Variants in LRRIQ3 observed in about 807,000 individuals in gnomAD.
The protein encoded by LRRIQ3 is leucine rich repeats and IQ motif containing 3.
A neutral mutation model predicts 59.3 loss-of-function variants in LRRIQ3; 75 were observed. The observed-to-expected ratio is 1.26, with a 90% CI of 1.05 to 1.53. The LOEUF is 1.53. Among genes scored for constraint, LRRIQ3 ranks in the 40% most tolerant of loss-of-function variants. LRRIQ3 has a pLI of 0.00. For missense variants in LRRIQ3, 831 were observed against 710.0 expected, an observed-to-expected ratio of 1.17 and a Z score of -1.94; for synonymous variants, 250 against 231.3, an observed-to-expected ratio of 1.08 and a Z score of -0.73.
intron 7 of LRRIQ3, among the ~76,000 whole-genome samples, chr1:74,032,162 G>A (rs1390293590): frequency 6.6e-6 from 1 of 151,722 alleles, no homozygotes; most frequent in Non-Finnish European, 1.5e-5. Context: ...ATTTAATTCA[G>A]ATTTATTTTA....
chr1:74,158,209 C>T (rs1557645324), intron 3 of LRRIQ3, among the ~76,000 whole-genome samples: 1 of 152,102 alleles, frequency 6.6e-6, no homozygotes, highest in Non-Finnish European at 1.5e-5. Flanking sequence ...CTTATATCTT[C>T]ATTAATTCCT....
intron 6 of LRRIQ3, among the ~76,000 whole-genome samples, chr1:74,048,556 A>T (rs1414981969): frequency 6.6e-6 from 1 of 152,172 alleles, no homozygotes; most frequent in Admixed American, 6.6e-5. Flanking sequence ...TCACCAATTA[A>T]TTCATCTATC....
chr1:74,187,166 C>T (rs1393080530), intron 1 of LRRIQ3, among the ~76,000 whole-genome samples: 1 of 152,016 alleles, frequency 6.6e-6, no homozygotes, highest in Non-Finnish European at 1.5e-5. Flanking sequence ...ATCCAAAAAT[C>T]CCACTACTGG....
intron 4 of LRRIQ3, among the ~76,000 whole-genome samples, chr1:74,150,951 C>T (rs546923466): frequency 1.3e-5 from 2 of 150,384 alleles, no homozygotes; most frequent in East Asian, 1.9e-4. Context: ...ATAAATATCA[C>T]CTAAAATGTG....
At chr1:74,119,214 C>T (rs1205622938) in intron 4 of LRRIQ3, among the ~76,000 whole-genome samples, 1 of 151,984 alleles carries the variant, frequency 6.6e-6, no homozygotes, top group East Asian at 1.9e-4. Flanking sequence ...CTTATAAGAA[C>T]TATTATCCCA....
intron 6 of LRRIQ3, among the ~76,000 whole-genome samples, chr1:74,065,235 CT>C (rs1394713753): frequency 2.6e-5 from 4 of 152,074 alleles, no homozygotes; most frequent in Non-Finnish European, 5.9e-5. Flanking sequence ...CCAGCTTATG[CT>C]TGCATATCTT....
intron 1 of LRRIQ3, among the ~76,000 whole-genome samples, chr1:74,186,720 T>C (rs1650403092): frequency 6.6e-6 from 1 of 152,182 alleles, no homozygotes; most frequent in African/African-American, 2.4e-5. Context: ...ATGCTCATGA[T>C]ATTACTTAAT....
At chr1:74,169,007 G>T (rs1429064123) in intron 3 of LRRIQ3, among the ~76,000 whole-genome samples, 1 of 152,024 alleles carries the variant, frequency 6.6e-6, no homozygotes, top group African/African-American at 2.4e-5. Flanking sequence ...GCTCTATGTT[G>T]TACCACAATT....
intron 6 of LRRIQ3, among the ~76,000 whole-genome samples, chr1:74,045,939 T>C (rs1654189875): frequency 6.6e-6 from 1 of 152,140 alleles, no homozygotes; most frequent in Admixed American, 6.6e-5. Context: ...TACAAGCCAC[T>C]GCTCAAGGAA....
chr1:74,038,366 G>T lies in LRRIQ3; in HGVS notation c.1718+2847C>A, dbSNP rs1570006480. ...TGGCCACAGTCTCTGCAGACCAGCA[G>T]ACTTAACCTTTCCTCCTGCTAGTTC... On this transcript the variant is annotated intron_variant, in intron 7 of 7. Transcript: ENST00000354431. Among the ~76,000 whole-genome samples the T allele has an allele frequency of 2.0e-5, 3 of 152,288 alleles. No homozygotes were observed. The East Asian group carries it at 5.8e-4, about 30-fold the overall frequency.
At chr1:74,187,761 A>T (rs542422205) in intron 1 of LRRIQ3, among the ~76,000 whole-genome samples, 1 of 152,144 alleles carries the variant, frequency 6.6e-6, no homozygotes, top group Non-Finnish European at 1.5e-5. Flanking sequence ...CAACAAAAAA[A>T]GTCAAAAAAT....
At chr1:74,145,896 A>C (rs1647538312) in intron 4 of LRRIQ3, among the ~76,000 whole-genome samples, 1 of 152,150 alleles carries the variant, frequency 6.6e-6, no homozygotes, top group African/African-American at 2.4e-5. Flanking sequence ...TTTCCAGCAA[A>C]GTATACAGTT....
Position 74,198,061 on chromosome 1 carries a change from C to G in LRRIQ3, c.-66G>C. 1 of 987,980 alleles carries G rather than the reference C, an allele frequency of 1.0e-6. No homozygotes were observed. The highest frequency in any genetic ancestry group is 3.0e-5 in the Admixed American group (1 of 33,654). 61.2% of individuals were successfully genotyped at this position (987,980 alleles called of 1,614,324 possible). A position where few individuals can be genotyped will look rare whatever the true frequency, so the allele number is the denominator to read the frequency against. Reference sequence around the variant, plus strand: ...GTGGCCCAGCCCCAACACAGTCAGACAAATCGCTGGGCGGCCATCTGCTCC... The same window carrying G: ...GTGGCCCAGCCCCAACACAGTCAGAGAAATCGCTGGGCGGCCATCTGCTCC... On this transcript the variant is annotated 5_prime_UTR_variant, in exon 1 of 8. Coordinates refer to ENST00000354431, the MANE Select transcript of LRRIQ3 (RefSeq NM_001105659.2).
At chr1:74,079,300 A>G (rs970993474) in intron 5 of LRRIQ3, among the ~76,000 whole-genome samples, 6 of 151,662 alleles carry the variant, frequency 4.0e-5, no homozygotes, top group Non-Finnish European at 7.4e-5. Flanking sequence ...CAGTCCTGCT[A>G]TACTAGATTT....
intron 4 of LRRIQ3, among the ~76,000 whole-genome samples, chr1:74,133,986 T>C (rs1647074823): frequency 6.6e-6 from 1 of 152,066 alleles, no homozygotes; most frequent in Admixed American, 6.6e-5. Flanking sequence ...TATATTTGAA[T>C]TTTTATTTGA....
intron 3 of LRRIQ3, among the ~76,000 whole-genome samples, chr1:74,161,646 T>A (rs1648666387): frequency 6.6e-6 from 1 of 151,884 alleles, no homozygotes; most frequent in Non-Finnish European, 1.5e-5. Flanking sequence ...GAAGCAGTTC[T>A]CATCAGTAGA....
intron 3 of LRRIQ3, among the ~76,000 whole-genome samples, chr1:74,157,269 T>G (rs2100671628): frequency 6.6e-6 from 1 of 152,082 alleles, no homozygotes; most frequent in South Asian, 2.1e-4. Flanking sequence ...TCCCCTCCAT[T>G]CTCTGTAAAT....
At position 74,136,311 on chromosome 1, in the gene LRRIQ3, G is replaced by T. The variant is rs536558880; in HGVS notation, c.707+19422C>A. On this transcript the variant is annotated intron_variant, in intron 4 of 7. Transcript: ENST00000354431. ...TGAATTTTACTAAACATTTAAGATAGAAATAATACCAATCTTTTACATACT... is the reference window on the plus strand; with the variant it reads ...TGAATTTTACTAAACATTTAAGATATAAATAATACCAATCTTTTACATACT... 6.2e-4 allele frequency among the ~76,000 whole-genome samples: 94 copies of T among 151,968 alleles called. 3 individuals carry two copies. The South Asian group carries it at 8.3e-3, about 13-fold the overall frequency.
At chr1:74,072,333 G>A (rs557253730) in intron 6 of LRRIQ3, among the ~76,000 whole-genome samples, 8 of 152,036 alleles carry the variant, frequency 5.3e-5, no homozygotes, top group Admixed American at 1.3e-4. Context: ...ATTACTTACT[G>A]AGGTGAGCTT....
Sources: gnomAD v4.1 joint callset for allele counts (sites outside exome capture counted in the v4.1 genomes callset) on GRCh38, gnomAD v4.1.1 for gene constraint, MANE v1.5 for transcripts, NCBI Gene and HGNC (gene_info 2026-07-23, HGNC 2026-07-21) for gene names.